RBFOX3: variants seen among roughly 807,000 people sequenced by gnomAD.
RBFOX3 encodes RNA binding fox-1 homolog 3, also known as RNA binding protein fox-1 homolog 3.
A neutral mutation model predicts 48.7 loss-of-function variants in RBFOX3; 17 were observed. That is an observed-to-expected ratio of 0.35 (90% CI 0.24 to 0.52). The LOEUF (loss-of-function observed/expected upper bound fraction) is 0.52, where lower values mean the gene tolerates loss of function less well. Among genes scored for constraint, RBFOX3 ranks in the 20% least tolerant of loss-of-function variants. The pLI, the probability that RBFOX3 is intolerant of heterozygous loss-of-function variation, is 0.94. For synonymous variants in RBFOX3, 212 were observed against 209.5 expected (o/e 1.01, Z -0.10); for missense variants, 382 against 497.5 (o/e 0.77, Z 2.21).
At position 79,204,480 on chromosome 17, in the gene RBFOX3, C is replaced by T. The variant is rs143486482; in HGVS notation, c.-34+31286G>A. ...CAGTCCAGTGAACAGCTCCTTGAAG[C>T]GCACACATACCGACAGCATTCAGTC... is the stretch of plus-strand genomic sequence containing the variant. On this transcript the variant is annotated intron_variant, in intron 4 of 14. Coordinates refer to ENST00000693108, the MANE Select transcript of RBFOX3 (RefSeq NM_001350451.2). The surrounding 1 kb of genome is among the most constrained non-coding windows in gnomAD (Gnocchi z 4.5). Among the ~76,000 whole-genome samples, 869 of 152,284 alleles carry T rather than the reference C, an allele frequency of 5.7e-3. 4 individuals carry two copies. Among genetic ancestry groups the T allele is most frequent in the East Asian group, 0.012 (63 of 5,180 alleles).
chr17:79,095,665 G>A (rs953776830), intron 12 of RBFOX3, 91 bp from the exon 13 acceptor site: 10 of 1,194,610 alleles, frequency 8.4e-6, no homozygotes, highest in Admixed American at 2.1e-5. Flanking sequence ...GACCCTGTGC[G>A]GGTGGGGCCC....
At chr17:79,097,803 A>G in intron 9 of RBFOX3, 58 bp from the exon 10 acceptor site, 2 of 1,514,894 alleles carry the variant, frequency 1.3e-6, no homozygotes, top group South Asian at 1.2e-5. Flanking sequence ...TCCCACCAAA[A>G]CGTATGCCTG....
At chr17:79,495,732 TG>T (rs1241128116) in intron 1 of RBFOX3, among the ~76,000 whole-genome samples, 2 of 14,534 alleles carry the variant, frequency 1.4e-4, no homozygotes, top group Non-Finnish European at 2.8e-4. Context: ...TGGAGGGAGG[TG>T]GGGGAGAGGG....
intron 4 of RBFOX3, among the ~76,000 whole-genome samples, chr17:79,118,031 A>G (rs1173706216): frequency 6.6e-6 from 1 of 152,028 alleles, no homozygotes; most frequent in Non-Finnish European, 1.5e-5. Flanking sequence ...CCAGCAACCT[A>G]GGGTGGGTGC....
intron 2 of RBFOX3, among the ~76,000 whole-genome samples, chr17:79,395,357 C>T (rs1271877386): frequency 1.3e-5 from 2 of 152,220 alleles, no homozygotes; most frequent in African/African-American, 4.8e-5. Flanking sequence ...AGCCAACCAC[C>T]GCTCAGTGCC....
chr17:79,273,067 C>A (rs2068029117), intron 3 of RBFOX3, among the ~76,000 whole-genome samples: 1 of 152,168 alleles, frequency 6.6e-6, no homozygotes, highest in Non-Finnish European at 1.5e-5. Context: ...CCCTCTGGGG[C>A]TTGGCTTGGA....
At chr17:79,129,732 G>A (rs368276851) in intron 4 of RBFOX3, among the ~76,000 whole-genome samples, 17 of 152,350 alleles carry the variant, frequency 1.1e-4, no homozygotes, top group Non-Finnish European at 1.6e-4. Flanking sequence ...TGCTTGTGGC[G>A]TTTGCCAATT....
intron 4 of RBFOX3, among the ~76,000 whole-genome samples, chr17:79,178,726 C>T (rs1157298212): frequency 2.6e-5 from 4 of 152,230 alleles, no homozygotes; most frequent in South Asian, 2.1e-4. Flanking sequence ...TGTACGGATG[C>T]GTGGCTCAAA....
chr17:79,588,003 T>A (rs1246273342), intron 1 of RBFOX3, among the ~76,000 whole-genome samples: 1 of 152,168 alleles, frequency 6.6e-6, no homozygotes, highest in Non-Finnish European at 1.5e-5. Context: ...GCCTGGCTCT[T>A]TTTAAAAAAT....
chr17:79,114,031 G>C (rs565814523), intron 5 of RBFOX3, among the ~76,000 whole-genome samples: 2 of 152,080 alleles, frequency 1.3e-5, no homozygotes, highest in Admixed American at 1.3e-4. Flanking sequence ...CTTCTGGGAC[G>C]AACCCCTGAG....
the RBFOX3 span, among the ~76,000 whole-genome samples, chr17:79,646,068 C>T: frequency 6.6e-6 from 1 of 152,216 alleles, no homozygotes; most frequent in African/African-American, 2.4e-5. Flanking sequence ...CACCCTTTCA[C>T]AGTTAGTGGG....
intron 4 of RBFOX3, among the ~76,000 whole-genome samples, chr17:79,225,592 C>T (rs1264848956): frequency 2.7e-5 from 4 of 148,552 alleles, no homozygotes; most frequent in Non-Finnish European, 5.9e-5. Context: ...GCCCAGCCCC[C>T]GGATCAATTC....
intron 1 of RBFOX3, among the ~76,000 whole-genome samples, chr17:79,484,981 C>T (rs1598895666): frequency 6.6e-6 from 1 of 152,194 alleles, no homozygotes; most frequent in Non-Finnish European, 1.5e-5. Context: ...GGAGGCGATT[C>T]CCAAGCATTT....
intron 2 of RBFOX3, among the ~76,000 whole-genome samples, chr17:79,356,361 T>TGTTGTTTTTG (rs1568100899): frequency 1.8e-5 from 1 of 56,180 alleles, no homozygotes; most frequent in Non-Finnish European, 3.5e-5. Context: ...TTTTTTTTTT[T>TGTTGTTTTTG]TTTTTTTTTT....
chr17:79,343,782 T>C lies in RBFOX3; in HGVS notation c.-174-35958A>G, dbSNP rs189858447. Among the ~76,000 whole-genome samples the C allele has an allele frequency of 3.9e-5, 6 of 152,314 alleles. No homozygotes were observed. In the East Asian group the frequency reaches 1.2e-3, roughly 29 times the overall value. ...CCTTCATCATTCATGAGACAGGTCC[T>C]GTCAGCCCATCTTACAGGTGAGGAA... On this transcript the variant is annotated intron_variant, in intron 2 of 14. Coordinates refer to ENST00000693108, the MANE Select transcript of RBFOX3 (RefSeq NM_001350451.2).
At chr17:79,115,284 C>T (rs1343953762) in intron 5 of RBFOX3, among the ~76,000 whole-genome samples, 1 of 152,220 alleles carries the variant, frequency 6.6e-6, no homozygotes, top group Non-Finnish European at 1.5e-5. Context: ...CTCCTTGGCG[C>T]CGGGGGTCGA....
intron 1 of RBFOX3, among the ~76,000 whole-genome samples, chr17:79,552,250 C>T (rs970856191): frequency 6.6e-6 from 1 of 152,048 alleles, no homozygotes; most frequent in South Asian, 2.1e-4. Flanking sequence ...TGTATTGAAA[C>T]CTTACTATAG....
chr17:79,180,408 C>T (rs1031580528), intron 4 of RBFOX3, among the ~76,000 whole-genome samples: 40 of 152,208 alleles, frequency 2.6e-4, no homozygotes, highest in Non-Finnish European at 1.0e-4. Context: ...CTTGATTTCA[C>T]GTCTTTTGCT....
intron 2 of RBFOX3, among the ~76,000 whole-genome samples, chr17:79,478,672 AAGGGTC>A (rs2078328950): frequency 6.6e-6 from 1 of 152,140 alleles, no homozygotes; most frequent in South Asian, 2.1e-4. Flanking sequence ...AAAGGAAGGG[AAGGGTC>A]AGGGTTGGAG....
Sources: allele counts gnomAD v4.1 joint callset (sites outside exome capture counted in the v4.1 genomes callset), GRCh38; gene constraint gnomAD v4.1.1; non-coding constraint Gnocchi (gnomAD v3.1); transcripts MANE v1.5; gene names NCBI Gene and HGNC (gene_info 2026-07-23, HGNC 2026-07-21).